The following CACNA1H variants were observed in gnomAD, a reference collection of about 807,000 sequenced individuals.
CACNA1H encodes the protein voltage-dependent T-type calcium channel subunit alpha-1H.
In CACNA1H, 149 loss-of-function variants were observed where a neutral mutation model predicts 192.5. The ratio of observed to expected loss-of-function variants is 0.77; its 90% CI spans 0.68 to 0.89. CACNA1H has a LOEUF of 0.89. CACNA1H is among the 40% of genes least tolerant of loss of function. CACNA1H has a pLI of 0.00. For synonymous variants in CACNA1H, 2,202 were observed against 1,475.2 expected, an observed-to-expected ratio of 1.49 and a Z score of -11.29; for missense variants, 4,257 against 3,423.5, an observed-to-expected ratio of 1.24 and a Z score of -6.08.
At chr16:1,193,264 C>T (rs954892450) in intron 2 of CACNA1H, among the ~76,000 whole-genome samples, 8 of 152,246 alleles carry the variant, frequency 5.3e-5, no homozygotes, top group African/African-American at 1.2e-4. Flanking sequence ...GTGCTATTTG[C>T]GGCAGTTAGG....
rs181964228 is a variant in CACNA1H at position 1,156,546 on chromosome 16, G to A, written c.299+2510G>A. On this transcript the variant is annotated intron_variant, in intron 2 of 34. Coordinates refer to ENST00000348261, the MANE Select transcript of CACNA1H (RefSeq NM_021098.3). ...AGGCTTTGCAGGAGGCGGCAGGGGCGGTGGGCGACTGGTGTGGCTGGGGTG... is the reference window on the plus strand; with the variant it reads ...AGGCTTTGCAGGAGGCGGCAGGGGCAGTGGGCGACTGGTGTGGCTGGGGTG... Among the ~76,000 whole-genome samples, 70 of 152,296 alleles carry A rather than the reference G, an allele frequency of 4.6e-4. No homozygotes were observed. The East Asian group carries it at 6.8e-3, about 15-fold the overall frequency.
chr16:1,194,828 G>C (rs904910597), intron 2 of CACNA1H, 144 bp from the exon 3 acceptor site: 2 of 635,000 alleles, frequency 3.1e-6, no homozygotes, highest in Non-Finnish European at 5.7e-6. Flanking sequence ...GGCGGCCGTC[G>C]GTCCCGAGTC....
intron 30 of CACNA1H, 67 bp from the exon 31 acceptor site, chr16:1,216,865 C>T (rs1411899391): frequency 3.8e-5 from 49 of 1,303,062 alleles, no homozygotes; most frequent in Non-Finnish European, 5.0e-5. Flanking sequence ...GCGCCGAGTG[C>T]CCTGCAGGGT....
At chr16:1,164,248 C>T (rs537561197) in intron 2 of CACNA1H, among the ~76,000 whole-genome samples, 12 of 152,334 alleles carry the variant, frequency 7.9e-5, no homozygotes, top group African/African-American at 2.9e-4. Context: ...AGACGGGCGG[C>T]AGTGTCGTCA....
rs892256206 is a variant in CACNA1H, at chr16:1,221,505, C to T, written c.*511C>T. On this transcript the variant is annotated 3_prime_UTR_variant, in exon 35 of 35. Transcript: ENST00000348261. ...CAGCCACCACCCTTTCCGTTCCGCT[C>T]GGGCCTTCCCAGAAGCGTCCTGTGA... The T allele has an allele frequency of 1.5e-5, 6 of 406,330 alleles. No individual in the cohort carries two copies. Among genetic ancestry groups the T allele is most frequent in the East Asian group, 4.9e-5 (1 of 20,604 alleles). 25.2% of individuals were successfully genotyped at this position (406,330 alleles called of 1,614,324 possible). A position where few individuals can be genotyped will look rare whatever the true frequency, so the allele number is the denominator to read the frequency against.
At position 1,208,128 on chromosome 16, in the gene CACNA1H, C is replaced by T. The variant is rs201113434; in HGVS notation, c.3270C>T (p.Ser1090=). The change falls in exon 16 of 35, where the codon AGC becomes AGT. Residue 1090 remains serine (S), a synonymous_variant. Transcript: ENST00000348261. The part of the protein sequence containing the change: ...TAATPMPTPK[S]SPFLDAAPSL... The stretch of plus-strand genomic sequence containing the variant: ...CCACGCCCATGCCTACCCCCAAGAG[C>T]TCACCATTCCTGGATGCAGCCCCCA... 6.3e-6 allele frequency: 10 copies of T among 1,591,802 alleles called. No individual in the cohort carries two copies. In the African/African-American group the frequency reaches 8.1e-5, roughly 13 times the overall value.
chr16:1,211,126 G>A (rs1417976688), intron 21 of CACNA1H, 42 bp from the exon 22 acceptor site: 1 of 1,600,892 alleles, frequency 6.2e-7, no homozygotes, highest in Non-Finnish European at 8.5e-7. Flanking sequence ...CCTGGCAGCT[G>A]CTGCCATAGA....
At position 1,209,397 on chromosome 16, in the gene CACNA1H, C is replaced by G. The variant is rs780289958; in HGVS notation, c.3729C>G (p.Asp1243Glu). ...ACCGTGAGGATGCAGCCGAGCTTGA[C>G]GACGACTCGGAGGACGTGAGTGCGT... ...DSHREDAAELDDDSEDSCCLR... is the reference protein window; with the variant it reads ...DSHREDAAELEDDSEDSCCLR... The change falls in exon 17 of 35, where the codon GAC (aspartate) becomes GAG (glutamate). Residue 1243 changes from aspartate to glutamate, a missense_variant. Transcript: ENST00000348261. 2 of 1,597,602 alleles carry G rather than the reference C, an allele frequency of 1.3e-6. No homozygotes were observed. The highest frequency in any genetic ancestry group is 2.2e-5 in the South Asian group (2 of 91,014).
At chr16:1,199,027 A>AC (rs1246752268) in intron 6 of CACNA1H, 4 of 376,398 alleles carry the variant, frequency 1.1e-5, no homozygotes, top group South Asian at 2.8e-5. Context: ...CATATGCCCC[A>AC]CCCCCCACCA....
At chr16:1,175,853 T>C (rs1964830469) in intron 2 of CACNA1H, among the ~76,000 whole-genome samples, 1 of 152,162 alleles carries the variant, frequency 6.6e-6, no homozygotes, top group Non-Finnish European at 1.5e-5. Flanking sequence ...CGTGTGCCAG[T>C]GGCCCCTGCC....
intron 34 of CACNA1H, among the ~76,000 whole-genome samples, 153 bp downstream of exon 34, chr16:1,219,283 G>A (rs527893149): frequency 6.6e-6 from 1 of 152,316 alleles, no homozygotes; most frequent in Non-Finnish European, 1.5e-5. Flanking sequence ...CCTGCTGCTT[G>A]GTGGATCTTG....
chr16:1,187,546 C>T (rs1030707181), intron 2 of CACNA1H, among the ~76,000 whole-genome samples: 2 of 152,234 alleles, frequency 1.3e-5, no homozygotes, highest in Non-Finnish European at 2.9e-5. Context: ...GCTGGCTGAG[C>T]AGATTGCTCT....
Position 1,220,205 on chromosome 16 carries a change from C to G in CACNA1H, c.6273C>G (p.Ala2091=). The change falls in exon 35 of 35, where the codon GCC becomes GCG. Residue 2091 remains alanine (A), a synonymous_variant. Transcript: ENST00000348261. ...SRPAAPGGEE[A]EASDPADEEV... ...CGGCGGCCCCAGGCGGAGAGGAGGCCGAGGCCTCGGACCCAGCCGACGAGG... is the reference window on the plus strand; with the variant it reads ...CGGCGGCCCCAGGCGGAGAGGAGGCGGAGGCCTCGGACCCAGCCGACGAGG... 6.4e-7 allele frequency: 1 copy of G among 1,556,902 alleles called. No homozygotes were observed. The highest frequency in any genetic ancestry group is 8.6e-7 in the Non-Finnish European group (1 of 1,156,916).
chr16:1,182,239 G>T (rs551466083), intron 2 of CACNA1H, among the ~76,000 whole-genome samples: 2 of 152,194 alleles, frequency 1.3e-5, no homozygotes, highest in Non-Finnish European at 2.9e-5. Flanking sequence ...AGCCCACCTG[G>T]GTGCAGCCTG....
chr16:1,204,311 C>T lies in CACNA1H; in HGVS notation c.2304C>T (p.Ala768=). The T allele has an allele frequency of 6.3e-7, 1 of 1,599,808 alleles. No homozygotes were observed. Among genetic ancestry groups the T allele is most frequent in the South Asian group, 1.1e-5 (1 of 90,006 alleles). ...AGCGGCGGGCACAGCAGAGGGCAGCCCCGGGCGAGCCAGGCTGGATGGGCC... is the reference window on the plus strand; with the variant it reads ...AGCGGCGGGCACAGCAGAGGGCAGCTCCGGGCGAGCCAGGCTGGATGGGCC... ...SPQRRAQQRA[A]PGEPGWMGRL... Residue 768 remains alanine (A), a synonymous_variant, in exon 10 of 35, where the codon GCC becomes GCT. Transcript: ENST00000348261.
rs749345577 is a variant in CACNA1H, at chr16:1,204,253, C to T, written c.2246C>T (p.Thr749Met). 67 of 1,609,990 alleles carry T rather than the reference C, an allele frequency of 4.2e-5. 1 individual carries two copies. The highest frequency in any genetic ancestry group is 5.1e-5 in the Non-Finnish European group (60 of 1,178,754). ...RWDPTRPPRA[T>M]DTPGPGPGSP... ...GACCCCACGCGACCACCCCGTGCGA[C>T]GGACACACCAGGCCCAGGCCCAGGC... Residue 749 changes from threonine (T) to methionine (M), a missense_variant, in exon 10 of 35, where the codon ACG becomes ATG. Thr to Met is a moderately conservative substitution (Grantham distance 81). Transcript: ENST00000348261.
rs1414057702 is a variant in CACNA1H at position 1,198,721 on chromosome 16, G to C, written c.750G>C (p.Gln250His). ...VFFIFGIVGV[Q>H]LWAGLLRNRC... ...TCATTTTCGGCATCGTTGGCGTCCAGCTCTGGGCTGGCCTCCTGCGGAACC... is the reference window on the plus strand; with the variant it reads ...TCATTTTCGGCATCGTTGGCGTCCACCTCTGGGCTGGCCTCCTGCGGAACC... The change falls in exon 6 of 35, where the codon CAG becomes CAC. Residue 250 changes from glutamine (Q) to histidine (H), a missense_variant. Coordinates refer to ENST00000348261, the MANE Select transcript of CACNA1H (RefSeq NM_021098.3). 6.2e-7 allele frequency: 1 copy of C among 1,613,188 alleles called. No individual in the cohort carries two copies. Among genetic ancestry groups the C allele is most frequent in the Admixed American group, 1.7e-5 (1 of 59,984 alleles).
rs773341166 is a variant in CACNA1H at position 1,203,926 on chromosome 16, C to T, written c.2003-84C>T. The T allele has an allele frequency of 7.0e-6, 7 of 994,740 alleles. No homozygotes were observed. The East Asian group carries it at 1.6e-4, about 22-fold the overall frequency. The allele number at this position is 994,740 out of a possible 1,614,324, so 61.6% of individuals were successfully genotyped here. On this transcript the variant is annotated intron_variant, in intron 9 of 34. Coordinates refer to ENST00000348261, the MANE Select transcript of CACNA1H (RefSeq NM_021098.3). ...CTTTCTGGGGGGGACACATTCACCC[C>T]ACCGCTCCTGTGTGTGAGGGTTCCC...
chr16:1,183,831 T>C (rs1393863295), intron 2 of CACNA1H, among the ~76,000 whole-genome samples: 2 of 152,242 alleles, frequency 1.3e-5, no homozygotes, highest in African/African-American at 2.4e-5. Flanking sequence ...TCCCACCTGC[T>C]GGGAGACTCC....
Sources: gnomAD v4.1 joint callset for allele counts (sites outside exome capture counted in the v4.1 genomes callset) on GRCh38, gnomAD v4.1.1 for gene constraint, MANE v1.5 for transcripts, NCBI Gene and HGNC (gene_info 2026-07-23, HGNC 2026-07-21) for gene names.